Variants in AGMO observed in about 807,000 individuals in gnomAD.
AGMO encodes alkylglycerol monooxygenase.
AGMO carries 75 observed loss-of-function variants against 60.2 expected under a neutral mutation model. The ratio of observed to expected loss-of-function variants is 1.25; its 90% CI spans 1.03 to 1.51. AGMO has a LOEUF of 1.51. Ranked by LOEUF, AGMO falls within the 40% of genes most tolerant of loss-of-function variation. The pLI is 0.00. For synonymous variants in AGMO, 261 were observed against 177.1 expected (o/e 1.47, Z -3.76); for missense variants, 763 against 525.5 (o/e 1.45, Z -4.42).
At chr7:15,222,035 TTAATA>T (rs1213522737) in intron 12 of AGMO, among the ~76,000 whole-genome samples, 3 of 152,138 alleles carry the variant, frequency 2.0e-5, no homozygotes, top group African/African-American at 7.2e-5. Context: ...GAGTAAAACT[TTAATA>T]TAATCGTGCA....
chr7:15,482,471 C>T (rs372777446), intron 3 of AGMO, among the ~76,000 whole-genome samples: 1 of 152,048 alleles, frequency 6.6e-6, no homozygotes, highest in Non-Finnish European at 1.5e-5. Context: ...AAAATCTCCA[C>T]GGTGACTTTT....
At chr7:15,391,486 T>G (rs1352006013) in intron 6 of AGMO, among the ~76,000 whole-genome samples, 1 of 152,026 alleles carries the variant, frequency 6.6e-6, no homozygotes, top group Non-Finnish European at 1.5e-5. Flanking sequence ...CTGGTCATTA[T>G]TTATTTAATA....
At chr7:15,350,437 T>A (rs571967048) in intron 12 of AGMO, among the ~76,000 whole-genome samples, 11 of 152,292 alleles carry the variant, frequency 7.2e-5, no homozygotes, top group African/African-American at 2.6e-4. Flanking sequence ...GCCACTTAAA[T>A]AGCAAAGTTA....
chr7:15,395,537 T>C lies in AGMO; in HGVS notation c.610-1358A>G, dbSNP rs183865463. On this transcript the variant is annotated intron_variant, in intron 5 of 12. Transcript: ENST00000342526. ...CATTTTGTTAGAAAATGCATTTGTT[T>C]AGCGTTGTATAACTGAAATATACAC... is the stretch of plus-strand genomic sequence containing the variant. 1.2e-4 allele frequency among the ~76,000 whole-genome samples: 19 copies of C among 152,294 alleles called. No individual in the cohort carries two copies. The East Asian group carries it at 1.9e-3, about 15-fold the overall frequency.
At chr7:15,216,818 CAA>C (rs1016641498) in intron 12 of AGMO, among the ~76,000 whole-genome samples, 10 of 141,310 alleles carry the variant, frequency 7.1e-5, no homozygotes, top group Admixed American at 1.5e-4. Flanking sequence ...GTGCAAGAAA[CAA>C]AGTGAAAGAA....
chr7:15,462,586 AC>A (rs1782170917), intron 3 of AGMO, among the ~76,000 whole-genome samples: 5 of 152,178 alleles, frequency 3.3e-5, no homozygotes, highest in Non-Finnish European at 5.9e-5. Flanking sequence ...AGGTTGCAAG[AC>A]ATGTACGAGC....
At chr7:15,477,802 T>C (rs1782636445) in intron 3 of AGMO, among the ~76,000 whole-genome samples, 1 of 152,148 alleles carries the variant, frequency 6.6e-6, no homozygotes, top group African/African-American at 2.4e-5. Flanking sequence ...ATAAAATTGG[T>C]TTCTCATGTA....
At chr7:15,307,427 AGAT>A (rs1250203016) in intron 12 of AGMO, among the ~76,000 whole-genome samples, 3 of 152,086 alleles carry the variant, frequency 2.0e-5, no homozygotes, top group African/African-American at 7.2e-5. Flanking sequence ...AACTTTATTT[AGAT>A]GGGCTAATCA....
intron 2 of AGMO, among the ~76,000 whole-genome samples, chr7:15,553,900 A>G (rs1785051383): frequency 1.3e-5 from 2 of 151,976 alleles, no homozygotes; most frequent in South Asian, 4.1e-4. Flanking sequence ...CCCCCACCAC[A>G]TCCCACACAC....
intron 12 of AGMO, among the ~76,000 whole-genome samples, chr7:15,231,450 T>C (rs1368229998): frequency 6.6e-6 from 1 of 152,210 alleles, no homozygotes; most frequent in Non-Finnish European, 1.5e-5. Flanking sequence ...CCTCATATCA[T>C]GAGCTTTCTT....
At chr7:15,374,861 A>G (rs945838862) in intron 10 of AGMO, among the ~76,000 whole-genome samples, 1 of 149,184 alleles carries the variant, frequency 6.7e-6, no homozygotes, top group Non-Finnish European at 1.5e-5. Context: ...AGTTATGCAT[A>G]GAGAACCCTA....
chr7:15,237,105 G>C (rs1172009794), intron 12 of AGMO, among the ~76,000 whole-genome samples: 3 of 151,780 alleles, frequency 2.0e-5, no homozygotes, highest in Non-Finnish European at 2.9e-5. Flanking sequence ...GTAACTCTTG[G>C]AACTTCCCTA....
chr7:15,437,531 C>CTTTTT (rs201021445), intron 3 of AGMO, among the ~76,000 whole-genome samples: 1 of 120,604 alleles, frequency 8.3e-6, no homozygotes, highest in South Asian at 2.5e-4. Flanking sequence ...AAATTTTTTC[C>CTTTTT]TTTTTTTTTT....
chr7:15,285,243 G>C (rs1186695227), intron 12 of AGMO, among the ~76,000 whole-genome samples: 1 of 150,246 alleles, frequency 6.7e-6, no homozygotes, highest in African/African-American at 2.4e-5. Context: ...TCAGACAGGA[G>C]AAAGAAATAA....
chr7:15,207,545 T>C (rs1249883392), intron 12 of AGMO, among the ~76,000 whole-genome samples: 1 of 152,230 alleles, frequency 6.6e-6, no homozygotes, highest in African/African-American at 2.4e-5. Context: ...ACACATACTC[T>C]TGATGTTCTG....
intron 12 of AGMO, among the ~76,000 whole-genome samples, chr7:15,237,148 A>T (rs1218364461): frequency 6.6e-6 from 1 of 152,122 alleles, no homozygotes; most frequent in Non-Finnish European, 1.5e-5. Context: ...CCGTATGTGC[A>T]TATATTCACA....
At chr7:15,363,250 C>G (rs192086401) in intron 12 of AGMO, among the ~76,000 whole-genome samples, 88 of 152,300 alleles carry the variant, frequency 5.8e-4, no homozygotes, top group African/African-American at 1.9e-3. Context: ...ACTTCTCATT[C>G]TAGCTGTCTC....
At position 15,431,092 on chromosome 7, in the gene AGMO, C is replaced by T. The variant is rs763395062; in HGVS notation, c.426G>A (p.Trp142Ter). Reference sequence around the variant, plus strand: ...AACTATGATGTGTTTGGTGTCCGGCCCACATAATATTAACTTCTGCAAAAC... The same window carrying T: ...AACTATGATGTGTTTGGTGTCCGGCTCACATAATATTAACTTCTGCAAAAC... ...HRMAHEVNIM[W>*]AGHQTHHSSE... The change falls in exon 4 of 13, where the codon TGG becomes TGA. Residue 142 changes from tryptophan (W) to a stop codon, truncating the protein, a stop_gained. Transcript: ENST00000342526. LOFTEE classifies it high-confidence loss of function. 1 of 1,610,270 alleles carries T rather than the reference C, an allele frequency of 6.2e-7. No homozygotes were observed. The highest frequency in any genetic ancestry group is 1.7e-5 in the Admixed American group (1 of 59,730).
At chr7:15,431,187 G>A in intron 3 of AGMO, 79 bp from the exon 4 acceptor site, 4 of 937,628 alleles carry the variant, frequency 4.3e-6, no homozygotes, top group Non-Finnish European at 6.7e-6. Flanking sequence ...ATGCTGCTCT[G>A]TTGAGTGAGG....
Sources: allele counts gnomAD v4.1 joint callset (sites outside exome capture counted in the v4.1 genomes callset), GRCh38; gene constraint gnomAD v4.1.1; transcripts MANE v1.5; gene names NCBI Gene and HGNC (gene_info 2026-07-23, HGNC 2026-07-21).